Variants in RPS10 observed in about 807,000 individuals in gnomAD.
RPS10 encodes the protein ribosomal protein S10.
RPS10 carries 2 observed loss-of-function variants against 22.6 expected under a neutral mutation model. The ratio of observed to expected loss-of-function variants is 0.09; its 90% CI spans 0.04 to 0.28. The LOEUF is 0.28. RPS10 is among the 10% of genes least tolerant of loss of function. RPS10 has a pLI of 1.00. For synonymous variants in RPS10, 70 were observed against 75.9 expected, an observed-to-expected ratio of 0.92 and a Z score of 0.40; for missense variants, 137 against 222.2, an observed-to-expected ratio of 0.62 and a Z score of 2.44.
intron 4 of RPS10, among the ~76,000 whole-genome samples, chr6:34,421,200 C>T (rs982830201): frequency 6.6e-6 from 1 of 151,400 alleles, no homozygotes; most frequent in African/African-American, 2.4e-5. Flanking sequence ...GCTTTCCTCC[C>T]CCTATCCTCG....
chr6:34,424,819 C>G lies in RPS10; in HGVS notation c.172G>C (p.Val58Leu). Residue 58 changes from valine (V) to leucine (L), a missense_variant, in exon 3 of 6, where the codon GTG (valine) becomes CTG (leucine). Transcript: ENST00000648437. ...AMQSLKSRGY[V>L]KEQFAWRHFY... ...TGTCTCCAGGCAAACTGTTCCTTCACGTAGCCTCGGGACTTGAGAGACTGT... is the reference window on the plus strand; with the variant it reads ...TGTCTCCAGGCAAACTGTTCCTTCAGGTAGCCTCGGGACTTGAGAGACTGT... The G allele has an allele frequency of 6.2e-7, 1 of 1,614,014 alleles. No individual in the cohort carries two copies. The highest frequency in any genetic ancestry group is 8.5e-7 in the Non-Finnish European group (1 of 1,180,026).
intron 3 of RPS10, among the ~76,000 whole-genome samples, chr6:34,422,168 A>G (rs983720774): frequency 1.3e-5 from 2 of 152,184 alleles, no homozygotes; most frequent in Non-Finnish European, 2.9e-5. Context: ...TAGTATATGC[A>G]AACAGAAAAG....
At chr6:34,419,764 G>A (rs773794189) in intron 4 of RPS10, among the ~76,000 whole-genome samples, 18 of 151,938 alleles carry the variant, frequency 1.2e-4, no homozygotes, top group Admixed American at 2.6e-4. Flanking sequence ...TTTAAGTAGA[G>A]ACGGGGTTTC....
At chr6:34,424,329 G>A (rs148158164) in intron 3 of RPS10, 2 of 313,698 alleles carry the variant, frequency 6.4e-6, no homozygotes, top group Non-Finnish European at 1.2e-5. Context: ...TGTTTCTTTC[G>A]AGGTGGTAAA....
chr6:34,418,566 G>T, intron 4 of RPS10, 142 bp from the exon 5 acceptor site: 1 of 1,322,290 alleles, frequency 7.6e-7, no homozygotes, highest in Non-Finnish European at 1.1e-6. Context: ...CAGTGGTGGG[G>T]AATACCTTCT....
chr6:34,418,704 C>T (rs1765658603), intron 4 of RPS10, among the ~76,000 whole-genome samples: 1 of 152,080 alleles, frequency 6.6e-6, no homozygotes, highest in Non-Finnish European at 1.5e-5. Flanking sequence ...GACTTACCCA[C>T]TTCACAGCAG....
chr6:34,425,285 G>C, intron 1 of RPS10, 64 bp from the exon 2 acceptor site: 1 of 1,545,068 alleles, frequency 6.5e-7, no homozygotes, highest in South Asian at 1.2e-5. Flanking sequence ...CGGTAATCAA[G>C]TTCTTGATCC....
chr6:34,424,866 G>A, intron 2 of RPS10, 26 bp from the exon 3 acceptor site: 4 of 1,613,632 alleles, frequency 2.5e-6, no homozygotes, highest in Non-Finnish European at 3.4e-6. Context: ...CTACTGTTAA[G>A]GCGTTAAGTA....
At chr6:34,420,321 T>C (rs960185166) in intron 4 of RPS10, among the ~76,000 whole-genome samples, 1 of 152,102 alleles carries the variant, frequency 6.6e-6, no homozygotes, top group Admixed American at 6.6e-5. Flanking sequence ...GTTCAAGCAA[T>C]TCTCCCGCCT....
At chr6:34,419,236 G>A (rs573877276) in intron 4 of RPS10, among the ~76,000 whole-genome samples, 85 of 152,148 alleles carry the variant, frequency 5.6e-4, no homozygotes, top group Admixed American at 1.9e-3. Flanking sequence ...GGTTTCTCCA[G>A]GCTGGTCTCA....
chr6:34,425,045 A>C (rs1331095656), intron 2 of RPS10, 27 bp downstream of exon 2: 2 of 1,611,876 alleles, frequency 1.2e-6, no homozygotes, highest in Non-Finnish European at 1.7e-6. Flanking sequence ...AGGAAGATCC[A>C]TCCCATCTTC....
chr6:34,420,033 C>A (rs974469202), intron 4 of RPS10, among the ~76,000 whole-genome samples: 2 of 152,134 alleles, frequency 1.3e-5, no homozygotes, highest in African/African-American at 2.4e-5. Context: ...TAGGCACATA[C>A]CACCATTCCC....
rs149920860 is a variant in RPS10 at position 34,423,451 on chromosome 6, G to A, written c.322+1218C>T. ...TCAGGCAGAATGAACTCCTTTTAGA[G>A]CAGAAATAAATTAATCATGTAATGA... is the stretch of plus-strand genomic sequence containing the variant. On this transcript the variant is annotated intron_variant, in intron 3 of 5. Coordinates refer to ENST00000648437, the MANE Select transcript of RPS10 (RefSeq NM_001014.5). Among the ~76,000 whole-genome samples, 1,139 of 152,244 alleles carry A rather than the reference G, an allele frequency of 7.5e-3. 16 individuals carry two copies. The highest frequency in any genetic ancestry group is 0.024 in the Middle Eastern group (7 of 294).
chr6:34,424,746 T>C lies in RPS10; in HGVS notation c.245A>G (p.Tyr82Cys), dbSNP rs1561940298. 1 of 1,613,972 alleles carries C rather than the reference T, an allele frequency of 6.2e-7. No homozygotes were observed. The highest frequency in any genetic ancestry group is 1.7e-5 in the Admixed American group (1 of 59,992). ...CACAATCTCCGGGGGCAGATGAAGGTAATCACGGAGATACTGGATACCCTC... is the reference window on the plus strand; with the variant it reads ...CACAATCTCCGGGGGCAGATGAAGGCAATCACGGAGATACTGGATACCCTC... Reference protein sequence around the residue: ...TNEGIQYLRDYLHLPPEIVPA... With the variant: ...TNEGIQYLRDCLHLPPEIVPA... Residue 82 changes from tyrosine (Y) to cysteine (C), a missense_variant, in exon 3 of 6, where the codon TAC becomes TGC. Tyr to Cys is a radical substitution (Grantham distance 194). Coordinates refer to ENST00000648437, the MANE Select transcript of RPS10 (RefSeq NM_001014.5).
intron 5 of RPS10, chr6:34,418,105 A>G: frequency 7.7e-7 from 1 of 1,307,142 alleles, no homozygotes; most frequent in Non-Finnish European, 1.0e-6. Flanking sequence ...TCCAGTGTTT[A>G]GTTCAATGTC....
At chr6:34,425,463 C>G in intron 1 of RPS10, 1 of 506,388 alleles carries the variant, frequency 2.0e-6, no homozygotes, top group South Asian at 2.0e-5. Flanking sequence ...TCGCGCCAAA[C>G]TTCCTTAAGT....
intron 3 of RPS10, among the ~76,000 whole-genome samples, chr6:34,422,475 C>T (rs528052573): frequency 7.9e-5 from 12 of 152,248 alleles, no homozygotes; most frequent in Admixed American, 6.5e-4. Flanking sequence ...CCACCACGCA[C>T]GGCTACGTTT....
chr6:34,422,760 C>T (rs879316615), intron 3 of RPS10, among the ~76,000 whole-genome samples: 1 of 150,802 alleles, frequency 6.6e-6, no homozygotes, highest in Admixed American at 6.6e-5. Context: ...CACCCTAAGG[C>T]ACAAACTTTA....
At chr6:34,421,830 T>C in intron 3 of RPS10, 23 bp from the exon 4 acceptor site, 2 of 1,613,816 alleles carry the variant, frequency 1.2e-6, no homozygotes, top group Non-Finnish European at 1.7e-6. Context: ...AACCACACTG[T>C]GAACACAGGG....
Sources: gnomAD v4.1 joint callset for allele counts (sites outside exome capture counted in the v4.1 genomes callset) on GRCh38, gnomAD v4.1.1 for gene constraint, MANE v1.5 for transcripts, NCBI Gene and HGNC (gene_info 2026-07-23, HGNC 2026-07-21) for gene names.